Variants in ADARB2 observed in about 807,000 individuals in gnomAD.
ADARB2 encodes inactive double-stranded RNA-specific editase B2.
In ADARB2, 25 loss-of-function variants were observed where a neutral mutation model predicts 62.2. The observed-to-expected ratio is 0.40, with a 90% CI of 0.29 to 0.56. ADARB2 has a LOEUF of 0.56. Ranked by LOEUF, ADARB2 falls within the 20% of genes least tolerant of loss-of-function variation. The pLI, the probability that ADARB2 is intolerant of heterozygous loss-of-function variation, is 0.43. For missense variants in ADARB2, 1,071 were observed against 1,077.4 expected (o/e 0.99, Z 0.08); for synonymous variants, 572 against 500.8 (o/e 1.14, Z -1.90).
intron 1 of ADARB2, among the ~76,000 whole-genome samples, chr10:1,504,770 TCTTA>T (rs1831815230): frequency 6.6e-6 from 1 of 152,310 alleles, no homozygotes; most frequent in African/African-American, 2.4e-5. Context: ...TAAAAAGTAT[TCTTA>T]CTATTCATTT....
intron 1 of ADARB2, among the ~76,000 whole-genome samples, chr10:1,584,767 T>C (rs1703971948): frequency 6.6e-6 from 1 of 152,132 alleles, no homozygotes; most frequent in South Asian, 2.1e-4. Context: ...TATTCAGTGC[T>C]TGAAAGAAAT....
At chr10:1,650,471 T>C (rs1038830687) in intron 1 of ADARB2, among the ~76,000 whole-genome samples, 1 of 151,014 alleles carries the variant, frequency 6.6e-6, no homozygotes, top group Non-Finnish European at 1.5e-5. Context: ...AATGTGGTGC[T>C]GGTAGGCTGC....
intron 1 of ADARB2, among the ~76,000 whole-genome samples, chr10:1,475,465 G>T (rs1418729449): frequency 6.6e-6 from 1 of 152,188 alleles, no homozygotes; most frequent in Non-Finnish European, 1.5e-5. Context: ...CTGTGGGGAG[G>T]GGACAGCAGG....
intron 1 of ADARB2, among the ~76,000 whole-genome samples, chr10:1,495,336 G>A (rs746616798): frequency 2.0e-5 from 3 of 152,308 alleles, no homozygotes; most frequent in Non-Finnish European, 2.9e-5. Flanking sequence ...AGTAGTTCAC[G>A]TTCACATTTA....
At position 1,636,856 on chromosome 10, in the gene ADARB2, C is replaced by CATATAATATTGATATGTAATAT. The variant is rs1833923037; in HGVS notation, c.100+100173_100+100194dup. ...ATAACATATATCACAAATTATAAAACATATAATATTGATATGTAATATATA... is the reference window on the plus strand; with the variant it reads ...ATAACATATATCACAAATTATAAAACATATAATATTGATATGTAATATATATAATATTGATATGTAATATATA... On this transcript the variant is annotated intron_variant, in intron 1 of 9. Coordinates refer to ENST00000381312, the MANE Select transcript of ADARB2 (RefSeq NM_018702.4). Among the ~76,000 whole-genome samples the CATATAATATTGATATGTAATAT allele has an allele frequency of 3.4e-5, 5 of 147,236 alleles. No individual in the cohort carries two copies. The South Asian group carries it at 1.1e-3, about 31-fold the overall frequency.
At position 1,585,987 on chromosome 10, in the gene ADARB2, TAG is replaced by T. The variant is rs1251779999; in HGVS notation, c.100+151062_100+151063del. ...AGGCGGAGCTTGCAGTGAGCCAAGA[TAG>T]CGCCACTGCACTCCAGCCTGGGTGA... On this transcript the variant is annotated intron_variant, in intron 1 of 9. Coordinates refer to ENST00000381312, the MANE Select transcript of ADARB2 (RefSeq NM_018702.4). 3.3e-5 allele frequency among the ~76,000 whole-genome samples: 5 copies of T among 152,110 alleles called. No homozygotes were observed. The East Asian group carries it at 9.7e-4, about 29-fold the overall frequency.
At chr10:1,631,914 C>A (rs1178955580) in intron 1 of ADARB2, among the ~76,000 whole-genome samples, 2 of 152,192 alleles carry the variant, frequency 1.3e-5, no homozygotes, top group African/African-American at 4.8e-5. Flanking sequence ...CCTTCTTCTT[C>A]TGAAACTGCT....
intron 3 of ADARB2, among the ~76,000 whole-genome samples, chr10:1,277,666 A>T (rs1176200039): frequency 6.6e-6 from 1 of 152,244 alleles, no homozygotes; most frequent in Non-Finnish European, 1.5e-5. Flanking sequence ...GCCGAATTCT[A>T]CCAGAGGTAG....
rs149315665 is a variant in ADARB2 at position 1,587,936 on chromosome 10, T to C, written c.100+149115A>G. On this transcript the variant is annotated intron_variant, in intron 1 of 9. Transcript: ENST00000381312. ...TGTGCCTTTCATCCTCTGCCATGAT[T>C]GTGAGGCCTCCCTAGTCTCATGGAA... Among the ~76,000 whole-genome samples, 58 of 152,290 alleles carry C rather than the reference T, an allele frequency of 3.8e-4. 1 individual carries two copies. In the East Asian group the frequency reaches 0.011, roughly 29 times the overall value.
At chr10:1,209,207 A>C (rs1837109098) in intron 7 of ADARB2, among the ~76,000 whole-genome samples, 1 of 152,084 alleles carries the variant, frequency 6.6e-6, no homozygotes, top group Non-Finnish European at 1.5e-5. Context: ...CCCCATCAGC[A>C]CAGGGTGACC....
intron 1 of ADARB2, among the ~76,000 whole-genome samples, chr10:1,671,671 G>T (rs1056262295): frequency 2.6e-5 from 4 of 152,056 alleles, no homozygotes; most frequent in Non-Finnish European, 4.4e-5. Flanking sequence ...CTATAACATT[G>T]CATTCCCAGA....
intron 1 of ADARB2, among the ~76,000 whole-genome samples, chr10:1,495,292 C>A (rs943257892): frequency 6.6e-6 from 1 of 152,188 alleles, no homozygotes; most frequent in African/African-American, 2.4e-5. Flanking sequence ...AGGAAACATT[C>A]AAGTTGTATA....
At chr10:1,492,185 CTAAG>C (rs1171153431) in intron 1 of ADARB2, among the ~76,000 whole-genome samples, 3 of 152,142 alleles carry the variant, frequency 2.0e-5, no homozygotes, top group African/African-American at 7.2e-5. Flanking sequence ...AGAAGTAAAA[CTAAG>C]TAATGGGATG....
chr10:1,659,413 G>A (rs895262162), intron 1 of ADARB2, among the ~76,000 whole-genome samples: 2 of 152,126 alleles, frequency 1.3e-5, no homozygotes, highest in Non-Finnish European at 2.9e-5. Flanking sequence ...GTCCCCACGC[G>A]ACATCTAAAA....
intron 1 of ADARB2, among the ~76,000 whole-genome samples, chr10:1,585,324 A>C (rs1000754640): frequency 1.4e-4 from 21 of 152,144 alleles, no homozygotes; most frequent in Non-Finnish European, 3.1e-4. Context: ...GGAAAAGTCG[A>C]GTTGGGAACT....
intron 3 of ADARB2, among the ~76,000 whole-genome samples, chr10:1,325,350 C>T (rs1831835253): frequency 1.3e-5 from 2 of 152,202 alleles, no homozygotes; most frequent in African/African-American, 4.8e-5. Context: ...CGCTCCTGCA[C>T]CCCAAGTGTA....
chr10:1,305,772 C>G (rs2131820024), intron 3 of ADARB2, among the ~76,000 whole-genome samples: 1 of 152,252 alleles, frequency 6.6e-6, no homozygotes, highest in South Asian at 2.1e-4. Context: ...AAATGTAATC[C>G]AGCATATAAA....
chr10:1,737,240 AAG>A lies in ADARB2; in HGVS notation c.-92_-91del, dbSNP rs1835314008. The A allele has an allele frequency of 2.1e-6, 3 of 1,410,482 alleles. No individual in the cohort carries two copies. The South Asian group carries it at 3.5e-5, about 16-fold the overall frequency. 87.4% of individuals were successfully genotyped at this position (1,410,482 alleles called of 1,614,324 possible). On this transcript the variant is annotated 5_prime_UTR_variant, in exon 1 of 10. Transcript: ENST00000381312. ...GGCAGCCGCCGCCGCCGCTGCTGCG[AAG>A]CTTGAGGTTGCAAACCCGGGAGCGG...
intron 3 of ADARB2, among the ~76,000 whole-genome samples, chr10:1,344,205 G>C (rs1045601602): frequency 2.6e-5 from 4 of 152,074 alleles, no homozygotes; most frequent in South Asian, 2.1e-4. Flanking sequence ...AAATTCTACC[G>C]GCATCCGATT....
Sources: allele counts gnomAD v4.1 joint callset (sites outside exome capture counted in the v4.1 genomes callset), GRCh38; gene constraint gnomAD v4.1.1; transcripts MANE v1.5; gene names NCBI Gene and HGNC (gene_info 2026-07-23, HGNC 2026-07-21).